The following COL22A1 variants were observed in gnomAD, a reference collection of about 807,000 sequenced individuals.
The protein encoded by COL22A1 is collagen type XXII alpha 1 chain, also known as collagen alpha-1(XXII) chain.
A neutral mutation model predicts 248.9 loss-of-function variants in COL22A1; 221 were observed. That is an observed-to-expected ratio of 0.89 (90% CI 0.80 to 0.99). The LOEUF is 0.99. Ranked by LOEUF, COL22A1 falls within the 50% of genes least tolerant of loss-of-function variation. The pLI is 0.00. For synonymous variants in COL22A1, 891 were observed against 793.4 expected (o/e 1.12, Z -2.07); for missense variants, 2,240 against 2,179.0 (o/e 1.03, Z -0.56).
At chr8:138,630,227 T>C (rs1471912958) in intron 50 of COL22A1, among the ~76,000 whole-genome samples, 2 of 152,182 alleles carry the variant, frequency 1.3e-5, no homozygotes, top group East Asian at 3.9e-4. Context: ...TTTGGGATCC[T>C]GGACTAGTGA....
At chr8:138,899,173 T>A (rs1400285318) in intron 1 of COL22A1, among the ~76,000 whole-genome samples, 10 of 152,192 alleles carry the variant, frequency 6.6e-5, no homozygotes, top group African/African-American at 2.4e-4. Context: ...CTACCCTCCC[T>A]GTTTTTATCC....
intron 22 of COL22A1, among the ~76,000 whole-genome samples, chr8:138,747,029 C>A (rs1006217378): frequency 3.9e-5 from 6 of 152,302 alleles, no homozygotes; most frequent in African/African-American, 1.4e-4. Context: ...CCATCTGGAA[C>A]CTGACATTAT....
At chr8:138,729,535 A>C (rs1369906227) in intron 23 of COL22A1, among the ~76,000 whole-genome samples, 1 of 152,210 alleles carries the variant, frequency 6.6e-6, no homozygotes, top group Non-Finnish European at 1.5e-5. Context: ...TGCCGTAGCC[A>C]TTTACAGAGA....
chr8:138,909,256 A>G (rs1382735521), intron 1 of COL22A1, among the ~76,000 whole-genome samples: 2 of 152,228 alleles, frequency 1.3e-5, no homozygotes, highest in African/African-American at 2.4e-5. Flanking sequence ...ACATATTGGC[A>G]CAATGTTACA....
chr8:138,785,988 T>C (rs1178752127), intron 12 of COL22A1, among the ~76,000 whole-genome samples: 1 of 152,076 alleles, frequency 6.6e-6, no homozygotes, highest in Non-Finnish European at 1.5e-5. Flanking sequence ...GAGGTAATGG[T>C]CCTTAGAGCC....
At chr8:138,734,420 C>A (rs1260641615) in intron 23 of COL22A1, among the ~76,000 whole-genome samples, 4 of 152,134 alleles carry the variant, frequency 2.6e-5, no homozygotes, top group Non-Finnish European at 4.4e-5. Flanking sequence ...AATGAATAAG[C>A]AAATGCATGA....
At chr8:138,667,784 C>T (rs992966475) in intron 41 of COL22A1, among the ~76,000 whole-genome samples, 1 of 152,160 alleles carries the variant, frequency 6.6e-6, no homozygotes, top group African/African-American at 2.4e-5. Flanking sequence ...GAGCATTAGA[C>T]ATCACAGGGT....
At chr8:138,604,694 T>A in intron 59 of COL22A1, 40 bp downstream of exon 59, 1 of 1,597,774 alleles carries the variant, frequency 6.3e-7, no homozygotes, top group South Asian at 1.1e-5. Flanking sequence ...CCATTGGTGG[T>A]AAAGGGTTGC....
intron 44 of COL22A1, among the ~76,000 whole-genome samples, chr8:138,657,247 GACA>G (rs1463754443): frequency 6.6e-6 from 1 of 152,224 alleles, no homozygotes. Flanking sequence ...CTGAAGAAAA[GACA>G]ACCTTTGCTA....
chr8:138,878,452 T>C, intron 2 of COL22A1, 136 bp from the exon 3 acceptor site: 2 of 720,674 alleles, frequency 2.8e-6, no homozygotes, highest in Non-Finnish European at 2.1e-6. Context: ...CCAAGGGCCC[T>C]GGGCTGCCTG....
chr8:138,638,484 A>C (rs1821388644), intron 47 of COL22A1, among the ~76,000 whole-genome samples: 1 of 152,162 alleles, frequency 6.6e-6, no homozygotes, highest in Non-Finnish European at 1.5e-5. Context: ...CATCAAGTCC[A>C]GCCCTCTTTC....
intron 4 of COL22A1, among the ~76,000 whole-genome samples, chr8:138,840,498 G>A (rs1820799296): frequency 6.6e-6 from 1 of 151,458 alleles, no homozygotes; most frequent in Non-Finnish European, 1.5e-5. Context: ...CGTAGACTAA[G>A]AAATCTGTTC....
At chr8:138,670,360 A>G (rs1824909396) in intron 41 of COL22A1, among the ~76,000 whole-genome samples, 1 of 152,088 alleles carries the variant, frequency 6.6e-6, no homozygotes, top group Non-Finnish European at 1.5e-5. Flanking sequence ...GCAGGGCAAG[A>G]GTGGATCTCA....
intron 3 of COL22A1, among the ~76,000 whole-genome samples, chr8:138,846,036 AT>A (rs1444309693): frequency 1.3e-5 from 2 of 152,108 alleles, no homozygotes; most frequent in Non-Finnish European, 2.9e-5. Context: ...GGAAGGAGGT[AT>A]TTTTAATGTT....
intron 37 of COL22A1, among the ~76,000 whole-genome samples, chr8:138,687,576 A>G (rs1191221683): frequency 6.6e-6 from 1 of 152,216 alleles, no homozygotes; most frequent in Non-Finnish European, 1.5e-5. Context: ...CTTCCTGTCC[A>G]TGGATACTAG....
intron 3 of COL22A1, among the ~76,000 whole-genome samples, chr8:138,863,643 TG>T (rs1822650107): frequency 6.6e-6 from 1 of 152,028 alleles, no homozygotes; most frequent in African/African-American, 2.4e-5. Flanking sequence ...AACGCGGAAG[TG>T]GGTGCGGGGA....
intron 1 of COL22A1, among the ~76,000 whole-genome samples, chr8:138,886,039 C>T (rs907543533): frequency 3.3e-5 from 5 of 152,222 alleles, no homozygotes; most frequent in Admixed American, 2.0e-4. Flanking sequence ...TCTTTTCCCC[C>T]ACCTCCTGGT....
intron 7 of COL22A1, among the ~76,000 whole-genome samples, chr8:138,816,124 C>T (rs1201422586): frequency 1.3e-5 from 2 of 152,170 alleles, no homozygotes; most frequent in South Asian, 2.1e-4. Flanking sequence ...CAAACATACT[C>T]GCAGCAGCTG....
intron 50 of COL22A1, among the ~76,000 whole-genome samples, chr8:138,627,965 T>C (rs1490744519): frequency 6.6e-6 from 1 of 152,204 alleles, no homozygotes; most frequent in Non-Finnish European, 1.5e-5. Context: ...CCACTCACCA[T>C]CTAAATTGAT....
Sources: allele counts gnomAD v4.1 joint callset (sites outside exome capture counted in the v4.1 genomes callset), GRCh38; gene constraint gnomAD v4.1.1; transcripts MANE v1.5; gene names NCBI Gene and HGNC (gene_info 2026-07-23, HGNC 2026-07-21).